Variants in MYO1E observed in about 807,000 individuals in gnomAD.
The protein encoded by MYO1E is unconventional myosin-Ie.
Under a neutral mutation model 151.1 loss-of-function variants are expected in MYO1E, and 68 were observed. That is an observed-to-expected ratio of 0.45 (90% CI 0.37 to 0.55). The LOEUF is 0.55. Ranked by LOEUF, MYO1E falls within the 20% of genes least tolerant of loss-of-function variation. The pLI is 0.00. For synonymous variants in MYO1E, 601 were observed against 501.7 expected (o/e 1.20, Z -2.64); for missense variants, 1,363 against 1,389.3 (o/e 0.98, Z 0.30).
intron 26 of MYO1E, among the ~76,000 whole-genome samples, chr15:59,142,767 G>T (rs1474752980): frequency 6.6e-6 from 1 of 152,102 alleles, no homozygotes; most frequent in Non-Finnish European, 1.5e-5. Context: ...TGGTTGGGGA[G>T]AGGACCCTTG....
chr15:59,278,624 A>G (rs565868987), intron 1 of MYO1E, among the ~76,000 whole-genome samples: 62 of 152,262 alleles, frequency 4.1e-4, no homozygotes, highest in Admixed American at 1.1e-3. Flanking sequence ...TAAACCCCTA[A>G]TATTTTGGTG....
intron 16 of MYO1E, among the ~76,000 whole-genome samples, chr15:59,198,966 G>C (rs554741554): frequency 6.6e-6 from 1 of 152,140 alleles, no homozygotes; most frequent in African/African-American, 2.4e-5. Flanking sequence ...CCACCTCTGA[G>C]CTTGGTTCTG....
rs11539756 is a variant in MYO1E at position 59,136,912 on chromosome 15, G to A, written c.*468C>T. On this transcript the variant is annotated 3_prime_UTR_variant, in exon 28 of 28. Coordinates refer to ENST00000288235, the MANE Select transcript of MYO1E (RefSeq NM_004998.4). ...ACGCTAAGCCCAGTCTGCAGAGGGC[G>A]GGTCCTCCCTGAAGGAAGGTGGCAG... is the stretch of plus-strand genomic sequence containing the variant. 0.24 allele frequency: 90,781 copies of A among 370,896 alleles called. 11,706 individuals carry two copies. Among genetic ancestry groups the A allele is most frequent in the East Asian group, 0.4 (5,391 of 13,624 alleles). 23.0% of individuals were successfully genotyped at this position (370,896 alleles called of 1,614,324 possible).
intron 26 of MYO1E, among the ~76,000 whole-genome samples, chr15:59,151,425 T>A (rs1460374964): frequency 6.6e-6 from 1 of 151,764 alleles, no homozygotes; most frequent in African/African-American, 2.4e-5. Flanking sequence ...CAAGACTCCA[T>A]CTCAAACAAA....
chr15:59,333,806 T>C (rs1193903198), intron 1 of MYO1E, among the ~76,000 whole-genome samples: 3 of 152,244 alleles, frequency 2.0e-5, no homozygotes, highest in Non-Finnish European at 4.4e-5. Flanking sequence ...TAAATATTTT[T>C]TGAGCTTCCA....
Position 59,247,140 on chromosome 15 carries a change from G to A in MYO1E, c.332+9144C>T, listed in dbSNP as rs568749417. On this transcript the variant is annotated intron_variant, in intron 4 of 27. Coordinates refer to ENST00000288235, the MANE Select transcript of MYO1E (RefSeq NM_004998.4). Reference sequence around the variant, plus strand: ...GAGCCTGAGAGGCGGAGGTTGCAGTGTGTTGAAATTGTGCCACTGCACTCC... The same window carrying A: ...GAGCCTGAGAGGCGGAGGTTGCAGTATGTTGAAATTGTGCCACTGCACTCC... Among the ~76,000 whole-genome samples, 5 of 152,322 alleles carry A rather than the reference G, an allele frequency of 3.3e-5. No homozygotes were observed. The East Asian group carries it at 9.6e-4, about 29-fold the overall frequency.
At position 59,159,954 on chromosome 15, in the gene MYO1E, C is replaced by G. The variant is rs1389521840; in HGVS notation, c.2785+1119G>C. Among the ~76,000 whole-genome samples the G allele has an allele frequency of 6.6e-6, 1 of 152,220 alleles. No individual in the cohort carries two copies. Among genetic ancestry groups the G allele is most frequent in the African/African-American group, 2.4e-5 (1 of 41,454 alleles). Reference sequence around the variant, plus strand: ...CCACCTCCTGGGTTCAAGCAATTCTCCTGCCTCAGCCTCCCAAGTAGCTGG... The same window carrying G: ...CCACCTCCTGGGTTCAAGCAATTCTGCTGCCTCAGCCTCCCAAGTAGCTGG... On this transcript the variant is annotated intron_variant, in intron 24 of 27. Transcript: ENST00000288235. The surrounding 1 kb of genome is among the most constrained non-coding windows in gnomAD (Gnocchi z 4.4).
At chr15:59,148,426 C>T (rs2079455126) in intron 26 of MYO1E, among the ~76,000 whole-genome samples, 1 of 152,188 alleles carries the variant, frequency 6.6e-6, no homozygotes, top group Non-Finnish European at 1.5e-5. Flanking sequence ...TTTCGAATAT[C>T]ACCTCTTTGT....
At position 59,137,190 on chromosome 15, in the gene MYO1E, C is replaced by T. The variant is rs1339034635; in HGVS notation, c.*190G>A. On this transcript the variant is annotated 3_prime_UTR_variant, in exon 28 of 28. Coordinates refer to ENST00000288235, the MANE Select transcript of MYO1E (RefSeq NM_004998.4). ...CTATGAAGAGGCTACCTTTTAGGAT[C>T]ACTTATGGAGTGATACTCCCTGTCC... 3.3e-6 allele frequency: 2 copies of T among 604,228 alleles called. No individual in the cohort carries two copies. Among genetic ancestry groups the T allele is most frequent in the African/African-American group, 3.7e-5 (2 of 54,090 alleles). 37.4% of individuals were successfully genotyped at this position (604,228 alleles called of 1,614,324 possible). A position where few individuals can be genotyped will look rare whatever the true frequency, so the allele number is the denominator to read the frequency against.
intron 4 of MYO1E, among the ~76,000 whole-genome samples, chr15:59,249,912 T>C (rs2080153904): frequency 6.6e-6 from 1 of 152,146 alleles, no homozygotes; most frequent in Admixed American, 6.5e-5. Flanking sequence ...TTCCCTGCCT[T>C]TCCTCCTCTC....
chr15:59,229,297 C>T (rs2080011403), intron 6 of MYO1E, among the ~76,000 whole-genome samples: 1 of 152,168 alleles, frequency 6.6e-6, no homozygotes, highest in Non-Finnish European at 1.5e-5. Context: ...TCAGCCCAGG[C>T]CACGCACATC....
intron 4 of MYO1E, among the ~76,000 whole-genome samples, chr15:59,251,420 G>A (rs892350849): frequency 6.6e-6 from 1 of 152,186 alleles, no homozygotes; most frequent in Non-Finnish European, 1.5e-5. Flanking sequence ...ATTGTGGTAG[G>A]ATAAAAATAA....
chr15:59,151,733 C>T (rs1596343072), intron 26 of MYO1E, among the ~76,000 whole-genome samples: 2 of 151,518 alleles, frequency 1.3e-5, no homozygotes, highest in Middle Eastern at 3.4e-3. Context: ...GCCAACATGG[C>T]GAAACCCTGT....
intron 1 of MYO1E, among the ~76,000 whole-genome samples, chr15:59,301,792 C>T (rs2080484228): frequency 6.6e-6 from 1 of 152,172 alleles, no homozygotes; most frequent in South Asian, 2.1e-4. Flanking sequence ...TTCTCTTTAA[C>T]TCTTTTGTTT....
chr15:59,162,727 C>G lies in MYO1E; in HGVS notation c.2627+430G>C, dbSNP rs189983785. 1.5e-3 allele frequency among the ~76,000 whole-genome samples: 235 copies of G among 151,616 alleles called. 3 individuals carry two copies. The highest frequency in any genetic ancestry group is 4.7e-3 in the African/African-American group (196 of 41,336). On this transcript the variant is annotated intron_variant, in intron 23 of 27. Transcript: ENST00000288235. ...ACGTTGGCCACCTATAGTCCTCAAG[C>G]CCCCGGAGGCTCTACCAATAAACAG...
chr15:59,258,512 T>C (rs1426204277), intron 3 of MYO1E, among the ~76,000 whole-genome samples: 1 of 152,206 alleles, frequency 6.6e-6, no homozygotes, highest in Non-Finnish European at 1.5e-5. Flanking sequence ...AAAAGTAGGT[T>C]ATAGTTTGTT....
In MYO1E at chr15:59,136,759, C is replaced by A. The variant is rs1194910965; in HGVS notation, c.*621G>T. ...GAAAGCAAAGCCAGCAGCCCAGCCCCCAGCCCCCAGCCCCTGACCTGCTTG... is the reference window on the plus strand; with the variant it reads ...GAAAGCAAAGCCAGCAGCCCAGCCCACAGCCCCCAGCCCCTGACCTGCTTG... On this transcript the variant is annotated 3_prime_UTR_variant, in exon 28 of 28. Coordinates refer to ENST00000288235, the MANE Select transcript of MYO1E (RefSeq NM_004998.4). 1 of 456,486 alleles carries A rather than the reference C, an allele frequency of 2.2e-6. No individual in the cohort carries two copies. Among genetic ancestry groups the A allele is most frequent in the Non-Finnish European group, 4.4e-6 (1 of 226,822 alleles). The allele number at this position is 456,486 out of a possible 1,614,324, so 28.3% of individuals were successfully genotyped here.
intron 4 of MYO1E, among the ~76,000 whole-genome samples, chr15:59,248,047 G>C (rs1354540852): frequency 1.6e-5 from 2 of 128,278 alleles, no homozygotes; most frequent in East Asian, 2.5e-4. Context: ...AGAATCACTT[G>C]AACCCAGGAA....
chr15:59,241,460 G>C (rs2140360892), intron 4 of MYO1E, among the ~76,000 whole-genome samples: 1 of 152,376 alleles, frequency 6.6e-6, no homozygotes, highest in East Asian at 1.9e-4. Context: ...GGGAGGCCAA[G>C]GCGGGTGGAT....
Sources: allele counts gnomAD v4.1 joint callset (sites outside exome capture counted in the v4.1 genomes callset), GRCh38; gene constraint gnomAD v4.1.1; non-coding constraint Gnocchi (gnomAD v3.1); transcripts MANE v1.5; gene names NCBI Gene and HGNC (gene_info 2026-07-23, HGNC 2026-07-21).